FRMPD4: variants seen among roughly 807,000 people sequenced by gnomAD.
FRMPD4 encodes the protein FERM and PDZ domain containing 4.
A neutral mutation model predicts 94.1 loss-of-function variants in FRMPD4; 22 were observed. That is an observed-to-expected ratio of 0.23 (90% CI 0.17 to 0.33). The LOEUF (loss-of-function observed/expected upper bound fraction) is 0.33. Among genes scored for constraint, FRMPD4 ranks in the 10% least tolerant of loss-of-function variants. The probability of loss-of-function intolerance (pLI) is 1.00; values close to 1 mark genes in which losing one functional copy is unlikely to be tolerated. For synonymous variants in FRMPD4, 631 were observed against 548.6 expected (o/e 1.15, Z -2.10); for missense variants, 1,111 against 1,339.9 (o/e 0.83, Z 2.67).
chrX:12,067,980 T>G (rs1348538237), intron 3 of FRMPD4, among the ~76,000 whole-genome samples: 1 of 111,733 alleles, frequency 8.9e-6, no homozygotes, highest in East Asian at 2.8e-4. Context: ...GGAGATAGAT[T>G]TTCCTGGATC....
At chrX:12,432,312 T>G (rs1188408443) in intron 1 of FRMPD4, among the ~76,000 whole-genome samples, 1 of 112,576 alleles carries the variant, frequency 8.9e-6, no homozygotes, top group Admixed American at 9.4e-5. Context: ...TAGCATGTCT[T>G]AGTTATCCAT....
At chrX:12,242,492 T>C (rs1414739679) in intron 1 of FRMPD4, among the ~76,000 whole-genome samples, 1 of 112,499 alleles carries the variant, frequency 8.9e-6, no homozygotes, top group Non-Finnish European at 1.9e-5. Context: ...TATAACATTC[T>C]ATAATGGATT....
rs777707817 is a variant in FRMPD4, at chrX:12,717,006, C to T, written c.2547C>T (p.Leu849=). Residue 849 remains leucine, a synonymous_variant, in exon 15 of 17, where the codon CTC becomes CTT. Coordinates refer to ENST00000675598, the MANE Select transcript of FRMPD4 (RefSeq NM_001368397.1). The part of the protein sequence containing the change: ...SLQNDEIPVS[L]IDAVPTSAEG... ...AAAATGATGAGATCCCCGTGTCCCT[C>T]ATTGACGCTGTGCCCACCAGCGCCG... 8.3e-7 allele frequency: 1 copy of T among 1,209,905 alleles called. No homozygotes were observed. The highest frequency in any genetic ancestry group is 1.1e-6 in the Non-Finnish European group (1 of 893,431).
At chrX:12,444,085 A>T (rs2057168221) in intron 1 of FRMPD4, among the ~76,000 whole-genome samples, 1 of 110,375 alleles carries the variant, frequency 9.1e-6, no homozygotes, top group Admixed American at 9.7e-5. Flanking sequence ...AACTCACTGT[A>T]TGTTGTTCTG....
At chrX:11,864,177 A>G (rs890575871) in intron 1 of FRMPD4, among the ~76,000 whole-genome samples, 1 of 110,555 alleles carries the variant, frequency 9.0e-6, no homozygotes, top group African/African-American at 3.3e-5. Context: ...TTGGCAAGTC[A>G]CACACATTGC....
At chrX:12,584,459 C>T (rs1287125719) in intron 2 of FRMPD4, among the ~76,000 whole-genome samples, 9 of 111,485 alleles carry the variant, frequency 8.1e-5, no homozygotes, top group South Asian at 3.7e-4. Flanking sequence ...ATTTAGAAAA[C>T]GATCATCACT....
chrX:12,242,145 A>G (rs1284453565), intron 1 of FRMPD4, among the ~76,000 whole-genome samples: 1 of 111,676 alleles, frequency 9.0e-6, no homozygotes, highest in Non-Finnish European at 1.9e-5. Context: ...ATGTGACTAT[A>G]TCTATATTTT....
At chrX:12,518,702 G>T (rs2058128787) in intron 2 of FRMPD4, among the ~76,000 whole-genome samples, 1 of 111,770 alleles carries the variant, frequency 8.9e-6, no homozygotes, top group Non-Finnish European at 1.9e-5. Flanking sequence ...TAGATTGGAA[G>T]TCCTAGATTA....
intron 4 of FRMPD4, among the ~76,000 whole-genome samples, chrX:12,653,760 A>G (rs779515657): frequency 3.6e-5 from 4 of 110,424 alleles, no homozygotes; most frequent in African/African-American, 1.3e-4. Context: ...GAAAACCACT[A>G]ATTTTTGTTT....
chrX:12,107,681 G>A (rs2055312612), intron 3 of FRMPD4, among the ~76,000 whole-genome samples: 1 of 111,778 alleles, frequency 8.9e-6, no homozygotes, highest in Admixed American at 9.5e-5. Flanking sequence ...TGAAAAAAGA[G>A]TAGATGAATG....
intron 1 of FRMPD4, among the ~76,000 whole-genome samples, chrX:12,163,709 A>G (rs963555605): frequency 8.9e-5 from 10 of 112,329 alleles, no homozygotes; most frequent in Non-Finnish European, 1.9e-4. Flanking sequence ...GAAAAATACA[A>G]TCAATATTAA....
intron 1 of FRMPD4, among the ~76,000 whole-genome samples, chrX:12,403,307 C>A (rs2056628948): frequency 9.0e-6 from 1 of 111,307 alleles, no homozygotes; most frequent in South Asian, 3.8e-4. Context: ...TATTTTGCAA[C>A]CCATTAAGCT....
chrX:12,522,849 C>T (rs2058179352), intron 2 of FRMPD4, among the ~76,000 whole-genome samples: 1 of 111,472 alleles, frequency 9.0e-6, no homozygotes, highest in African/African-American at 3.3e-5. Context: ...GTGATCTGCC[C>T]ACCTCTGCCT....
chrX:12,192,024 A>G, intron 1 of FRMPD4, among the ~76,000 whole-genome samples: 1 of 111,797 alleles, frequency 8.9e-6, no homozygotes, highest in Non-Finnish European at 1.9e-5. Context: ...TTTGCTGTGA[A>G]GCTAACACTT....
At chrX:11,908,177 G>A (rs967442984) in intron 3 of FRMPD4, among the ~76,000 whole-genome samples, 8 of 111,180 alleles carry the variant, frequency 7.2e-5, no homozygotes, top group African/African-American at 2.6e-4. Flanking sequence ...GTGTAGGTCC[G>A]TCACTTTCAA....
chrX:11,867,171 A>T (rs759364836), intron 2 of FRMPD4, among the ~76,000 whole-genome samples: 3 of 111,903 alleles, frequency 2.7e-5, no homozygotes, highest in Non-Finnish European at 5.6e-5. Context: ...ATACTGAATC[A>T]TGATATGAAA....
chrX:12,447,133 T>C (rs2057206961), intron 1 of FRMPD4, among the ~76,000 whole-genome samples: 2 of 111,515 alleles, frequency 1.8e-5, no homozygotes, highest in Non-Finnish European at 3.8e-5. Context: ...ACGAAATTAA[T>C]ACCCCAGTCC....
intron 2 of FRMPD4, among the ~76,000 whole-genome samples, chrX:11,876,306 T>A (rs2053784902): frequency 9.0e-6 from 1 of 111,518 alleles, no homozygotes; most frequent in Non-Finnish European, 1.9e-5. Context: ...AGCATTGAAT[T>A]TAAGTAGACT....
chrX:12,051,487 A>G (rs2054818822), intron 3 of FRMPD4, among the ~76,000 whole-genome samples: 1 of 111,836 alleles, frequency 8.9e-6, no homozygotes, highest in Admixed American at 9.5e-5. Flanking sequence ...AAATATAATA[A>G]ATTAGAATAC....
Sources: allele counts gnomAD v4.1 joint callset (sites outside exome capture counted in the v4.1 genomes callset), GRCh38; gene constraint gnomAD v4.1.1; transcripts MANE v1.5; gene names NCBI Gene and HGNC (gene_info 2026-07-23, HGNC 2026-07-21).